ACTR10: variants seen among roughly 807,000 people sequenced by gnomAD.
The protein encoded by ACTR10 is actin-related protein 10.
A neutral mutation model predicts 56.2 loss-of-function variants in ACTR10; 43 were observed. That is an observed-to-expected ratio of 0.77 (90% confidence interval 0.60 to 0.99). The LOEUF (loss-of-function observed/expected upper bound fraction) is 0.99. Among genes scored for constraint, ACTR10 ranks in the 50% least tolerant of loss-of-function variants. The probability of loss-of-function intolerance (pLI) is 0.00; values close to 1 mark genes in which losing one functional copy is unlikely to be tolerated. For synonymous variants in ACTR10, 170 were observed against 176.3 expected (o/e 0.96, Z 0.28); for missense variants, 466 against 507.8 (o/e 0.92, Z 0.79).
intron 7 of ACTR10, among the ~76,000 whole-genome samples, chr14:58,215,540 G>A (rs537173002): frequency 1.3e-5 from 2 of 151,956 alleles, no homozygotes; most frequent in East Asian, 3.9e-4. Flanking sequence ...TTGGCTTTCA[G>A]GATTCTTTTT....
In ACTR10 at chr14:58,230,123, A is replaced by G. The variant is rs549982509; in HGVS notation, c.789-276A>G. On this transcript the variant is annotated intron_variant, in intron 10 of 12. Transcript: ENST00000254286. ...TTGGACACAAAATAAATGTAAATCT[A>G]TACATAATAATAGTAACAGCTAATA... is the stretch of plus-strand genomic sequence containing the variant. 3.9e-5 allele frequency among the ~76,000 whole-genome samples: 6 copies of G among 152,298 alleles called. No individual in the cohort carries two copies. The East Asian group carries it at 9.6e-4, about 24-fold the overall frequency.
At chr14:58,202,753 T>G (rs539106677) in intron 1 of ACTR10, 102 bp from the exon 2 acceptor site, 1 of 779,044 alleles carries the variant, frequency 1.3e-6, no homozygotes, top group African/African-American at 1.8e-5. Flanking sequence ...TTTCAAATGT[T>G]ATTGTGGCCA....
intron 7 of ACTR10, among the ~76,000 whole-genome samples, chr14:58,215,973 CTT>C (rs754573194): frequency 1.0e-3 from 142 of 135,602 alleles, no homozygotes; most frequent in Non-Finnish European, 1.0e-3. Context: ...TTCTTTCTTT[CTT>C]TTTTTTTTTT....
intron 6 of ACTR10, among the ~76,000 whole-genome samples, chr14:58,214,162 C>T (rs1056743029): frequency 6.6e-6 from 1 of 152,098 alleles, no homozygotes; most frequent in East Asian, 1.9e-4. Flanking sequence ...CCTTGTATCC[C>T]TCCACTATCC....
intron 5 of ACTR10, among the ~76,000 whole-genome samples, chr14:58,212,773 TC>T (rs1271223396): frequency 3.3e-5 from 5 of 152,152 alleles, no homozygotes; most frequent in African/African-American, 7.2e-5. Context: ...ATTGTTTACT[TC>T]CCTCTCAGCT....
rs541282394 is a variant in ACTR10, at chr14:58,223,092, C to T, written c.635-530C>T. Among the ~76,000 whole-genome samples the T allele has an allele frequency of 8.8e-4, 134 of 152,052 alleles. 1 individual carries two copies. The highest frequency in any genetic ancestry group is 3.5e-3 in the Admixed American group (54 of 15,272). ...TGAATGTACAACATGTTTTATGACACCTTAGTCAATGAAAAAGGTTGTTTT... is the reference window on the plus strand; with the variant it reads ...TGAATGTACAACATGTTTTATGACATCTTAGTCAATGAAAAAGGTTGTTTT... On this transcript the variant is annotated intron_variant, in intron 8 of 12. Coordinates refer to ENST00000254286, the MANE Select transcript of ACTR10 (RefSeq NM_018477.3).
intron 7 of ACTR10, among the ~76,000 whole-genome samples, chr14:58,219,235 C>T (rs1339138509): frequency 6.6e-6 from 1 of 152,162 alleles, no homozygotes; most frequent in Non-Finnish European, 1.5e-5. Context: ...CAAAGGCTCC[C>T]TGTATTGCAT....
At chr14:58,225,480 A>G (rs1327076756) in intron 10 of ACTR10, among the ~76,000 whole-genome samples, 1 of 152,194 alleles carries the variant, frequency 6.6e-6, no homozygotes, top group Non-Finnish European at 1.5e-5. Context: ...TTGAAGTATT[A>G]AAAGAATGAA....
chr14:58,232,225 C>T lies in ACTR10; in HGVS notation c.1030C>T (p.His344Tyr). 1.2e-6 allele frequency: 2 copies of T among 1,613,656 alleles called. No individual in the cohort carries two copies. The highest frequency in any genetic ancestry group is 1.7e-6 in the Non-Finnish European group (2 of 1,179,854). Residue 344 changes from histidine (H) to tyrosine (Y), a missense_variant, in exon 12 of 13, where the codon CAT (histidine) becomes TAT (tyrosine). Transcript: ENST00000254286. The stretch of plus-strand genomic sequence containing the variant: ...ACTTGGCACTAAGACATTTCGAATT[C>T]ATACTCCACCTGCAAAAGCTAATTG... ...KALGTKTFRI[H>Y]TPPAKANCVA...
At chr14:58,216,913 A>C (rs1889146657) in intron 7 of ACTR10, among the ~76,000 whole-genome samples, 1 of 152,130 alleles carries the variant, frequency 6.6e-6, no homozygotes, top group Non-Finnish European at 1.5e-5. Flanking sequence ...TTTATTTTTC[A>C]ATCTGCAGCA....
intron 12 of ACTR10, 66 bp downstream of exon 12, chr14:58,232,333 G>A: frequency 8.7e-7 from 1 of 1,148,842 alleles, no homozygotes; most frequent in Non-Finnish European, 1.2e-6. Flanking sequence ...CACTATTAAT[G>A]GATATATTAG....
chr14:58,209,625 T>C (rs571040179), intron 4 of ACTR10, among the ~76,000 whole-genome samples: 12 of 152,312 alleles, frequency 7.9e-5, no homozygotes, highest in African/African-American at 2.9e-4. Flanking sequence ...ATGCCAGGAA[T>C]GAGACTTACC....
At chr14:58,223,485 G>T (rs1172760320) in intron 8 of ACTR10, 137 bp from the exon 9 acceptor site, 1 of 746,848 alleles carries the variant, frequency 1.3e-6, no homozygotes, top group Admixed American at 3.0e-5. Context: ...ACTAAAGATG[G>T]GAATAGAGTT....
intron 8 of ACTR10, among the ~76,000 whole-genome samples, chr14:58,221,361 A>G: frequency 6.6e-6 from 1 of 151,924 alleles, no homozygotes; most frequent in Admixed American, 6.6e-5. Context: ...TGGGAGGCCA[A>G]GGCAGGTGAA....
At chr14:58,202,815 A>G in intron 1 of ACTR10, 40 bp from the exon 2 acceptor site, 1 of 1,370,840 alleles carries the variant, frequency 7.3e-7, no homozygotes, top group Non-Finnish European at 1.0e-6. Context: ...AATATTTAAA[A>G]GAATACTATA....
At chr14:58,226,428 TAAAAAAA>T (rs34541151) in intron 10 of ACTR10, among the ~76,000 whole-genome samples, 7 of 132,298 alleles carry the variant, frequency 5.3e-5, no homozygotes, top group Non-Finnish European at 4.9e-5. Context: ...CTATTTTCTT[TAAAAAAA>T]AAAAAAAAAA....
At chr14:58,224,658 A>C (rs544837787) in intron 10 of ACTR10, among the ~76,000 whole-genome samples, 27 of 152,158 alleles carry the variant, frequency 1.8e-4, no homozygotes, top group Admixed American at 1.1e-3. Context: ...GAAGTATGAC[A>C]CTTTAAAACA....
chr14:58,205,354 G>A (rs912268071), intron 2 of ACTR10, among the ~76,000 whole-genome samples: 5 of 131,206 alleles, frequency 3.8e-5, no homozygotes, highest in East Asian at 4.3e-4. Flanking sequence ...TTGCTCTGTC[G>A]CCCAGGCTGG....
chr14:58,227,841 A>T (rs7159983), intron 10 of ACTR10, among the ~76,000 whole-genome samples: 60,402 of 152,158 alleles, frequency 0.4, 12,646 homozygotes, highest in Non-Finnish European at 0.48. Context: ...ATACCTGTAT[A>T]TGTATAGTTA....
Sources: gnomAD v4.1 joint callset for allele counts (sites outside exome capture counted in the v4.1 genomes callset) on GRCh38, gnomAD v4.1.1 for gene constraint, MANE v1.5 for transcripts, NCBI Gene and HGNC (gene_info 2026-07-23, HGNC 2026-07-21) for gene names.